The following PDZD2 variants were observed in gnomAD, a reference collection of about 807,000 sequenced individuals.
PDZD2 encodes PDZ domain containing 2.
A neutral mutation model predicts 220.7 loss-of-function variants in PDZD2; 90 were observed. The observed-to-expected ratio is 0.41, with a 90% CI of 0.34 to 0.49. The LOEUF (loss-of-function observed/expected upper bound fraction) is 0.49, where lower values mean the gene tolerates loss of function less well. Ranked by LOEUF, PDZD2 falls within the 20% of genes least tolerant of loss-of-function variation. PDZD2 has a pLI of 0.28. For missense variants in PDZD2, 3,174 were observed against 3,608.5 expected, an observed-to-expected ratio of 0.88 and a Z score of 3.08; for synonymous variants, 1,375 against 1,450.5, an observed-to-expected ratio of 0.95 and a Z score of 1.18.
intron 1 of PDZD2, among the ~76,000 whole-genome samples, chr5:31,753,263 T>A (rs1459222995): frequency 1.3e-5 from 2 of 152,214 alleles, no homozygotes; most frequent in Admixed American, 6.5e-5. Flanking sequence ...CATACGTGCA[T>A]GATGAGGGGC....
At chr5:31,996,804 C>T (rs1333741527) in intron 4 of PDZD2, among the ~76,000 whole-genome samples, 2 of 152,110 alleles carry the variant, frequency 1.3e-5, no homozygotes, top group Admixed American at 6.5e-5. Flanking sequence ...TCACTTGAGC[C>T]CGGGAGATCG....
At chr5:32,107,028 T>G (rs1196915891) in intron 24 of PDZD2, among the ~76,000 whole-genome samples, 1 of 152,242 alleles carries the variant, frequency 6.6e-6, no homozygotes, top group Non-Finnish European at 1.5e-5. Context: ...TAATTTAGGA[T>G]GAAATCGATA....
At chr5:32,030,424 C>T (rs1225301349) in intron 6 of PDZD2, among the ~76,000 whole-genome samples, 8 of 152,194 alleles carry the variant, frequency 5.3e-5, no homozygotes, top group Non-Finnish European at 5.9e-5. Context: ...ATTGCTTTCT[C>T]CTACATATTT....
intron 8 of PDZD2, among the ~76,000 whole-genome samples, chr5:32,049,734 A>G (rs170603): frequency 0.95 from 144,511 of 152,270 alleles, 68,773 homozygotes; most frequent in Non-Finnish European, 0.97. Flanking sequence ...TTCAGGGACA[A>G]TTGCTCATCA....
At chr5:31,757,073 C>T (rs1751344551) in intron 1 of PDZD2, among the ~76,000 whole-genome samples, 1 of 151,788 alleles carries the variant, frequency 6.6e-6, no homozygotes, top group South Asian at 2.1e-4. Context: ...CACGTGAGGC[C>T]AGGAGTTTGA....
chr5:31,931,446 C>G (rs1745289024), intron 2 of PDZD2, among the ~76,000 whole-genome samples: 1 of 152,214 alleles, frequency 6.6e-6, no homozygotes, highest in Non-Finnish European at 1.5e-5. Flanking sequence ...GCGTGAGGCG[C>G]TGTGCCTGGC....
chr5:32,063,969 G>C (rs1739945982), intron 14 of PDZD2, among the ~76,000 whole-genome samples: 1 of 152,182 alleles, frequency 6.6e-6, no homozygotes, highest in South Asian at 2.1e-4. Flanking sequence ...GACCTGAGCA[G>C]AGTACTTCTG....
intron 1 of PDZD2, among the ~76,000 whole-genome samples, chr5:31,780,600 A>C (rs760826229): frequency 2.6e-5 from 4 of 152,148 alleles, no homozygotes; most frequent in Non-Finnish European, 5.9e-5. Flanking sequence ...TATTGCTGCG[A>C]ATCTCAGAAG....
intron 1 of PDZD2, among the ~76,000 whole-genome samples, chr5:31,775,922 T>A (rs935789670): frequency 5.3e-5 from 8 of 152,008 alleles, no homozygotes; most frequent in Non-Finnish European, 1.0e-4. Context: ...AGTTTTTGAC[T>A]AAGGCTTCAT....
chr5:31,951,568 A>T (rs1332097507), intron 2 of PDZD2, among the ~76,000 whole-genome samples: 1 of 152,240 alleles, frequency 6.6e-6, no homozygotes, highest in Non-Finnish European at 1.5e-5. Flanking sequence ...TTCACTTAGC[A>T]TAATGGATTG....
intron 19 of PDZD2, among the ~76,000 whole-genome samples, chr5:32,085,265 T>C (rs1444022852): frequency 7.0e-6 from 1 of 141,962 alleles, no homozygotes; most frequent in Non-Finnish European, 1.5e-5. Context: ...TTTTTTTTTT[T>C]TTAATTGACA....
chr5:31,640,795 A>G (rs1022259686), intron 1 of PDZD2, among the ~76,000 whole-genome samples: 8 of 151,806 alleles, frequency 5.3e-5, no homozygotes, highest in South Asian at 2.1e-4. Context: ...TCCTTCTTCC[A>G]TTAGGATGGG....
At chr5:32,081,536 A>C (rs1003285650) in intron 19 of PDZD2, among the ~76,000 whole-genome samples, 3 of 152,088 alleles carry the variant, frequency 2.0e-5, no homozygotes, top group African/African-American at 4.8e-5. Flanking sequence ...CCGGATCTCT[A>C]AAAGATTTTA....
Position 32,053,899 on chromosome 5 carries a change from T to G in PDZD2, c.1900+16T>G. 2.0e-5 allele frequency: 27 copies of G among 1,369,084 alleles called. No individual in the cohort carries two copies. The highest frequency in any genetic ancestry group is 2.6e-5 in the Non-Finnish European group (25 of 956,296). 84.8% of individuals were successfully genotyped at this position (1,369,084 alleles called of 1,614,324 possible). ...CTTAAAGAAGGTAGGGGAAAGCCTC[T>G]TGTATCCTCAGTGACAGTGACTTTG... On this transcript the variant is annotated intron_variant, in intron 10 of 24. Transcript: ENST00000438447.
intron 10 of PDZD2, 112 bp from the exon 11 acceptor site, chr5:32,057,543 A>T: frequency 1.5e-6 from 1 of 678,330 alleles, no homozygotes; most frequent in Non-Finnish European, 2.7e-6. Context: ...AAGTTATTTT[A>T]TGTGGTAGTA....
In PDZD2 at chr5:32,072,328, G is replaced by A. The variant is rs200930409; in HGVS notation, c.2725+11G>A. The A allele has an allele frequency of 2.4e-5, 38 of 1,604,364 alleles. 1 individual carries two copies. The East Asian group carries it at 5.4e-4, about 23-fold the overall frequency. On this transcript the variant is annotated intron_variant, in intron 17 of 24. Transcript: ENST00000438447. Reference sequence around the variant, plus strand: ...CTCCCAGCACCTCCAGTAAGCAGGGGTGCCCCAGAGGGCCTGGGCTCTGCA... The same window carrying A: ...CTCCCAGCACCTCCAGTAAGCAGGGATGCCCCAGAGGGCCTGGGCTCTGCA...
At chr5:31,701,885 G>A (rs1018285136) in intron 1 of PDZD2, among the ~76,000 whole-genome samples, 3 of 152,196 alleles carry the variant, frequency 2.0e-5, no homozygotes, top group African/African-American at 4.8e-5. Flanking sequence ...TTCCTTTCCT[G>A]GAGTCTAAAA....
intron 1 of PDZD2, among the ~76,000 whole-genome samples, chr5:31,665,434 C>T (rs747313957): frequency 7.9e-5 from 12 of 152,086 alleles, no homozygotes; most frequent in East Asian, 5.8e-4. Context: ...CAAAGAAAGG[C>T]GATTTTTATT....
intron 1 of PDZD2, among the ~76,000 whole-genome samples, chr5:31,756,181 G>T (rs1266796953): frequency 6.6e-6 from 1 of 152,096 alleles, no homozygotes; most frequent in African/African-American, 2.4e-5. Context: ...CCAGGACCCG[G>T]GGGTGCCTGT....
Sources: allele counts gnomAD v4.1 joint callset (sites outside exome capture counted in the v4.1 genomes callset), GRCh38; gene constraint gnomAD v4.1.1; transcripts MANE v1.5; gene names NCBI Gene and HGNC (gene_info 2026-07-23, HGNC 2026-07-21).